Variants in TJP1 observed in about 807,000 individuals in gnomAD.
TJP1 encodes tight junction protein ZO-1.
Under a neutral mutation model 194.2 loss-of-function variants are expected in TJP1, and 43 were observed. The ratio of observed to expected loss-of-function variants is 0.22; its 90% CI spans 0.17 to 0.29. The LOEUF (loss-of-function observed/expected upper bound fraction) is 0.29. Among genes scored for constraint, TJP1 ranks in the 10% least tolerant of loss-of-function variants. The probability of loss-of-function intolerance (pLI) is 1.00; values close to 1 mark genes in which losing one functional copy is unlikely to be tolerated. For synonymous variants in TJP1, 801 were observed against 779.0 expected (o/e 1.03, Z -0.47); for missense variants, 1,971 against 2,185.7 (o/e 0.90, Z 1.96).
intron 2 of TJP1, among the ~76,000 whole-genome samples, chr15:29,909,469 A>C (rs1200439047): frequency 6.6e-6 from 1 of 151,980 alleles, no homozygotes; most frequent in Admixed American, 6.6e-5. Context: ...ACAAACCCTC[A>C]CCTTAAAGAA....
At chr15:29,708,465 A>C in intron 25 of TJP1, 94 bp downstream of exon 25, 1 of 1,020,104 alleles carries the variant, frequency 9.8e-7, no homozygotes. Flanking sequence ...TGAGTTAAAA[A>C]GATCACTTTA....
At chr15:29,886,129 A>T (rs993804274) in intron 2 of TJP1, among the ~76,000 whole-genome samples, 1 of 152,272 alleles carries the variant, frequency 6.6e-6, no homozygotes, top group African/African-American at 2.4e-5. Context: ...CAATTTAAAA[A>T]TACTGTGTGC....
At chr15:29,949,245 T>TCACCACCACCTCCAC (rs1364219159) in intron 2 of TJP1, among the ~76,000 whole-genome samples, 1 of 33,414 alleles carries the variant, frequency 3.0e-5, no homozygotes, top group Non-Finnish European at 5.6e-5. Flanking sequence ...ACCTCCACCT[T>TCACCACCACCTCCAC]CACCACCACC....
intron 25 of TJP1, among the ~76,000 whole-genome samples, chr15:29,706,077 G>A (rs1011987830): frequency 2.6e-5 from 4 of 152,036 alleles, no homozygotes; most frequent in African/African-American, 7.2e-5. Context: ...GACTACAGGC[G>A]CACGCCACCA....
chr15:29,767,908 G>C (rs920748498), intron 4 of TJP1, among the ~76,000 whole-genome samples: 2 of 151,920 alleles, frequency 1.3e-5, no homozygotes, highest in Admixed American at 1.3e-4. Context: ...CTACCTCTAA[G>C]ACTTTTTTCT....
intron 2 of TJP1, among the ~76,000 whole-genome samples, chr15:29,878,193 G>A (rs1161049999): frequency 6.6e-6 from 1 of 152,040 alleles, no homozygotes; most frequent in Non-Finnish European, 1.5e-5. Context: ...GGGACTACAG[G>A]CGCCCGCTAC....
chr15:29,885,684 C>A, intron 2 of TJP1, among the ~76,000 whole-genome samples: 1 of 152,158 alleles, frequency 6.6e-6, no homozygotes, highest in East Asian at 1.9e-4. Flanking sequence ...AATTGCCAAC[C>A]TTTTATTTGG....
intron 2 of TJP1, among the ~76,000 whole-genome samples, chr15:29,914,891 T>G (rs2054136540): frequency 6.6e-6 from 1 of 151,318 alleles, no homozygotes; most frequent in Non-Finnish European, 1.5e-5. Context: ...CGCACACACA[T>G]GCATGCACAC....
chr15:29,745,424 G>A (rs2044705992), intron 8 of TJP1, among the ~76,000 whole-genome samples: 1 of 151,722 alleles, frequency 6.6e-6, no homozygotes, highest in South Asian at 2.1e-4. Context: ...GAAATGAAAG[G>A]GAAAAAATAA....
chr15:29,764,626 T>C (rs1011448774), intron 5 of TJP1, among the ~76,000 whole-genome samples: 8 of 151,950 alleles, frequency 5.3e-5, no homozygotes, highest in Non-Finnish European at 1.2e-4. Context: ...AGGACATTCA[T>C]CATGCATGGG....
intron 2 of TJP1, among the ~76,000 whole-genome samples, chr15:29,888,129 A>G (rs561646969): frequency 7.0e-4 from 106 of 152,300 alleles, no homozygotes; most frequent in African/African-American, 2.5e-3. Flanking sequence ...TGTTTATAAT[A>G]AAATGTTAAA....
chr15:29,801,944 T>C (rs982039166), intron 1 of TJP1, among the ~76,000 whole-genome samples: 2 of 152,108 alleles, frequency 1.3e-5, no homozygotes, highest in Admixed American at 1.3e-4. Context: ...TTTACGAATT[T>C]GTGTTGGGCC....
At chr15:29,760,336 ATATACTACC>A (rs1197371326) in intron 8 of TJP1, 1 of 692,088 alleles carries the variant, frequency 1.4e-6, no homozygotes, top group South Asian at 1.5e-5. Flanking sequence ...CAGGTAGGTC[ATATACTACC>A]AGTATACCAG....
At chr15:29,857,320 T>TTAAAAACAGGAAATGGG (rs2051896667) in intron 2 of TJP1, among the ~76,000 whole-genome samples, 1 of 151,896 alleles carries the variant, frequency 6.6e-6, no homozygotes, top group Non-Finnish European at 1.5e-5. Flanking sequence ...ATGTTTCTAT[T>TTAAAAACAGGAAATGGG]TACATATCTT....
intron 18 of TJP1, among the ~76,000 whole-genome samples, chr15:29,725,147 TA>T (rs1037600654): frequency 6.6e-6 from 1 of 152,242 alleles, no homozygotes; most frequent in African/African-American, 2.4e-5. Flanking sequence ...TGTGTTCATG[TA>T]AAGTGGTGTG....
At chr15:29,891,059 T>G (rs912490913) in intron 2 of TJP1, among the ~76,000 whole-genome samples, 1 of 152,198 alleles carries the variant, frequency 6.6e-6, no homozygotes, top group Non-Finnish European at 1.5e-5. Flanking sequence ...CAAAGATACT[T>G]TTTGTGGCCC....
chr15:29,870,910 A>C (rs1166916557), intron 2 of TJP1, among the ~76,000 whole-genome samples: 1 of 152,228 alleles, frequency 6.6e-6, no homozygotes, highest in Non-Finnish European at 1.5e-5. Flanking sequence ...ATATATTCAA[A>C]GAGAGGAAAC....
intron 15 of TJP1, among the ~76,000 whole-genome samples, chr15:29,729,992 A>G (rs1039739655): frequency 6.6e-6 from 1 of 152,184 alleles, no homozygotes; most frequent in Non-Finnish European, 1.5e-5. Context: ...CAAACAAAAT[A>G]TGGACAGATT....
intron 1 of TJP1, among the ~76,000 whole-genome samples, chr15:29,807,256 T>C (rs972973107): frequency 6.6e-6 from 1 of 152,184 alleles, no homozygotes; most frequent in African/African-American, 2.4e-5. Flanking sequence ...AAACATTAAG[T>C]TCACAGATAA....
Sources: allele counts gnomAD v4.1 joint callset (sites outside exome capture counted in the v4.1 genomes callset), GRCh38; gene constraint gnomAD v4.1.1; transcripts MANE v1.5; gene names NCBI Gene and HGNC (gene_info 2026-07-23, HGNC 2026-07-21).